Variants in TNFRSF1A observed in about 807,000 individuals in gnomAD.
TNFRSF1A encodes the protein tumor necrosis factor receptor superfamily member 1A.
TNFRSF1A carries 9 observed loss-of-function variants against 41.6 expected under a neutral mutation model. That is an observed-to-expected ratio of 0.22 (90% CI 0.13 to 0.38). The LOEUF is 0.38. Among genes scored for constraint, TNFRSF1A ranks in the 10% least tolerant of loss-of-function variants. The pLI, the probability that TNFRSF1A is intolerant of heterozygous loss-of-function variation, is 1.00. For missense variants in TNFRSF1A, 463 were observed against 591.5 expected (o/e 0.78, Z 2.25); for synonymous variants, 254 against 248.6 (o/e 1.02, Z -0.21).
intron 1 of TNFRSF1A, among the ~76,000 whole-genome samples, chr12:6,338,181 C>T (rs952269061): frequency 3.9e-5 from 6 of 152,162 alleles, no homozygotes; most frequent in African/African-American, 1.4e-4. Flanking sequence ...TTCCCTGACC[C>T]TTAACATGCC....
Position 6,334,114 on chromosome 12 carries a change from A to G in TNFRSF1A, c.170T>C (p.Ile57Thr). 1 of 1,614,152 alleles carries G rather than the reference A, an allele frequency of 6.2e-7. No homozygotes were observed. The change falls in exon 2 of 10, where the codon ATT becomes ACT. Residue 57 changes from isoleucine (I) to threonine (T), a missense_variant. This residue lies in a region of TNFRSF1A where 149 missense variants were observed against 239.4 expected (regional missense o/e 0.62). Coordinates refer to ENST00000162749, the MANE Select transcript of TNFRSF1A (RefSeq NM_001065.4). The surrounding 1 kb of genome is among the most constrained non-coding windows in gnomAD (Gnocchi z 5.1). ...ACCTTTGTGGCACTTGGTACAGCAA[A>G]TCGAATTATTTTGAGGGTGGATATA... ...GKYIHPQNNSICCTKCHKGTY... is the reference protein window; with the variant it reads ...GKYIHPQNNSTCCTKCHKGTY...
At chr12:6,330,758 C>T (rs760186604) in intron 6 of TNFRSF1A, 47 bp from the exon 7 acceptor site, 12 of 1,582,440 alleles carry the variant, frequency 7.6e-6, no homozygotes, top group South Asian at 5.5e-5. Flanking sequence ...AGAGGGGGGC[C>T]GCAGGGATAG....
intron 1 of TNFRSF1A, among the ~76,000 whole-genome samples, chr12:6,336,607 T>C (rs575411696): frequency 2.6e-5 from 4 of 151,096 alleles, no homozygotes; most frequent in African/African-American, 9.8e-5. Context: ...TGCCTCCCTC[T>C]CCCCATTCCA....
chr12:6,335,357 G>A (rs2136824750), intron 1 of TNFRSF1A, among the ~76,000 whole-genome samples: 1 of 152,256 alleles, frequency 6.6e-6, no homozygotes, highest in Admixed American at 6.5e-5. Context: ...AATAGAGCTG[G>A]CCAAGGCTAG....
intron 6 of TNFRSF1A, 50 bp downstream of exon 6, chr12:6,330,803 A>G (rs760828824): frequency 6.3e-7 from 1 of 1,594,830 alleles, no homozygotes; most frequent in African/African-American, 1.3e-5. Context: ...GGTGGGGGCA[A>G]GAAGAGGGAG....
chr12:6,340,993 G>A (rs1393179409), intron 1 of TNFRSF1A, among the ~76,000 whole-genome samples: 3 of 152,196 alleles, frequency 2.0e-5, no homozygotes, highest in African/African-American at 7.2e-5. Context: ...GCGGGGAGGG[G>A]AAGCTGGAGG....
In TNFRSF1A at chr12:6,334,084, C is replaced by T. The variant is rs778432004; in HGVS notation, c.193+7G>A. The T allele has an allele frequency of 2.5e-6, 4 of 1,614,210 alleles. No homozygotes were observed. The highest frequency in any genetic ancestry group is 2.5e-6 in the Non-Finnish European group (3 of 1,180,042). ...TGAGGGCATTCACCGTTTCCACTTGCCCCTACCTTTGTGGCACTTGGTACA... is the reference window on the plus strand; with the variant it reads ...TGAGGGCATTCACCGTTTCCACTTGTCCCTACCTTTGTGGCACTTGGTACA... On this transcript the variant is annotated splice_region_variant and intron_variant, in intron 2 of 9. Transcript: ENST00000162749. This position sits in a 1 kb window ranked among gnomAD's most constrained non-coding sequence, Gnocchi z 5.1.
chr12:6,335,042 C>T (rs1417111249), intron 1 of TNFRSF1A, among the ~76,000 whole-genome samples: 1 of 152,202 alleles, frequency 6.6e-6, no homozygotes, highest in African/African-American at 2.4e-5. Flanking sequence ...GAATATGTTA[C>T]ACCATGAAAA....
intron 1 of TNFRSF1A, among the ~76,000 whole-genome samples, chr12:6,336,794 A>C: frequency 6.6e-6 from 1 of 151,734 alleles, no homozygotes; most frequent in African/African-American, 2.4e-5. Flanking sequence ...GTGAGCTCTC[A>C]CTCCATCCCC....
At chr12:6,339,192 T>C (rs1565470268) in intron 1 of TNFRSF1A, among the ~76,000 whole-genome samples, 2 of 152,182 alleles carry the variant, frequency 1.3e-5, no homozygotes, top group South Asian at 4.1e-4. Flanking sequence ...ATTCCTCTCC[T>C]CTTCCTCACA....
intron 6 of TNFRSF1A, 51 bp from the exon 7 acceptor site, chr12:6,330,762 G>T: frequency 6.3e-7 from 1 of 1,579,088 alleles, no homozygotes; most frequent in Non-Finnish European, 8.7e-7. Flanking sequence ...GGGGGCCGCA[G>T]GGATAGATGG....
At position 6,333,231 on chromosome 12, in the gene TNFRSF1A, T is replaced by C; in HGVS notation, c.473-84A>G. The C allele has an allele frequency of 6.4e-7, 1 of 1,559,476 alleles. No individual in the cohort carries two copies. ...ACAGAGGAAGTGACGAGGGACAGGG[T>C]GGGGGCGGCCAGAGAGGAGTTGGTT... On this transcript the variant is annotated intron_variant, in intron 4 of 9. Coordinates refer to ENST00000162749, the MANE Select transcript of TNFRSF1A (RefSeq NM_001065.4). This position sits in a 1 kb window ranked among gnomAD's most constrained non-coding sequence, Gnocchi z 6.3.
At position 6,337,152 on chromosome 12, in the gene TNFRSF1A, C is replaced by G. The variant is rs1948131919; in HGVS notation, c.40-2908G>C. Among the ~76,000 whole-genome samples the G allele has an allele frequency of 6.6e-6, 1 of 152,222 alleles. No individual in the cohort carries two copies. Among genetic ancestry groups the G allele is most frequent in the Non-Finnish European group, 1.5e-5 (1 of 68,032 alleles). On this transcript the variant is annotated intron_variant, in intron 1 of 9. Coordinates refer to ENST00000162749, the MANE Select transcript of TNFRSF1A (RefSeq NM_001065.4). This position sits in a 1 kb window ranked among gnomAD's most constrained non-coding sequence, Gnocchi z 4.6. ...TCTCTGATCCCTAGGAGCCAGGGCC[C>G]TCAGACTCCCCACCACTGGGCACCA...
At chr12:6,340,736 G>C (rs1008729387) in intron 1 of TNFRSF1A, among the ~76,000 whole-genome samples, 5 of 152,176 alleles carry the variant, frequency 3.3e-5, no homozygotes, top group Admixed American at 6.5e-5. Flanking sequence ...TAAAGAGAGG[G>C]GAGGTAGGCG....
chr12:6,329,451 C>A lies in TNFRSF1A; in HGVS notation c.1229G>T (p.Arg410Leu). The change falls in exon 10 of 10, where the codon CGC (arginine) becomes CTC (leucine). Residue 410 changes from arginine (R) to leucine (L), a missense_variant. Coordinates refer to ENST00000162749, the MANE Select transcript of TNFRSF1A (RefSeq NM_001065.4). The stretch of plus-strand genomic sequence containing the variant: ...CAGCGTGGCCTCGCGCCGCGGCGTG[C>A]GCCGCCTCCAGGTCGCCAGCATGCT... The part of the protein sequence containing the change: ...QYSMLATWRR[R>L]TPRREATLEL... 6.3e-7 allele frequency: 1 copy of A among 1,588,706 alleles called. No homozygotes were observed. Among genetic ancestry groups the A allele is most frequent in the Non-Finnish European group, 8.5e-7 (1 of 1,174,762 alleles).
chr12:6,329,133 C>T lies in TNFRSF1A; in HGVS notation c.*179G>A. 1 of 573,638 alleles carries T rather than the reference C, an allele frequency of 1.7e-6. No individual in the cohort carries two copies. Among genetic ancestry groups the T allele is most frequent in the Non-Finnish European group, 2.7e-6 (1 of 364,080 alleles). The allele number at this position is 573,638 out of a possible 1,614,324, so 35.5% of individuals were successfully genotyped here. Reference sequence around the variant, plus strand: ...GGCGCACCTCTCTCCGCGCGCACAGCGCTGACTGTCGGCGGCGCGCAGGCA... The same window carrying T: ...GGCGCACCTCTCTCCGCGCGCACAGTGCTGACTGTCGGCGGCGCGCAGGCA... On this transcript the variant is annotated 3_prime_UTR_variant, in exon 10 of 10. Transcript: ENST00000162749.
chr12:6,331,469 T>C (rs954641877), intron 5 of TNFRSF1A: 2 of 213,860 alleles, frequency 9.4e-6, no homozygotes, highest in African/African-American at 4.7e-5. Context: ...CAAACATGCA[T>C]GTGAAAAATT....
intron 1 of TNFRSF1A, among the ~76,000 whole-genome samples, chr12:6,336,487 T>C (rs1451830350): frequency 2.0e-5 from 3 of 152,058 alleles, no homozygotes; most frequent in African/African-American, 7.2e-5. Context: ...CCCTTCTTCC[T>C]ATGGCCAAGT....
At chr12:6,332,589 C>T (rs938969513) in intron 5 of TNFRSF1A, among the ~76,000 whole-genome samples, 1 of 152,214 alleles carries the variant, frequency 6.6e-6, no homozygotes, top group Non-Finnish European at 1.5e-5. Flanking sequence ...ACAAGAACAG[C>T]CTCTGTGGAG....
Sources: gnomAD v4.1 joint callset for allele counts (sites outside exome capture counted in the v4.1 genomes callset) on GRCh38, gnomAD v4.1.1 for gene constraint, gnomAD v4.1.1 regional missense constraint, Gnocchi (gnomAD v3.1) non-coding constraint, MANE v1.5 for transcripts, NCBI Gene and HGNC (gene_info 2026-07-23, HGNC 2026-07-21) for gene names.